DNAAF9: variants seen among roughly 807,000 people sequenced by gnomAD.
DNAAF9 encodes dynein axonemal assembly factor 9, also known as shulin.
A neutral mutation model predicts 167.0 loss-of-function variants in DNAAF9; 90 were observed. The ratio of observed to expected loss-of-function variants is 0.54; its 90% CI spans 0.45 to 0.64. The LOEUF is 0.64. Ranked by LOEUF, DNAAF9 falls within the 30% of genes least tolerant of loss-of-function variation. The pLI is 0.00. For missense variants in DNAAF9, 1,315 were observed against 1,442.2 expected (o/e 0.91, Z 1.43); for synonymous variants, 491 against 508.8 (o/e 0.96, Z 0.47).
chr20:3,268,548 C>T (rs1034904301), intron 30 of DNAAF9, among the ~76,000 whole-genome samples: 3 of 151,956 alleles, frequency 2.0e-5, no homozygotes, highest in Non-Finnish European at 4.4e-5. Context: ...GGGCTGGTCT[C>T]GAACTCCTGA....
intron 24 of DNAAF9, 58 bp downstream of exon 24, chr20:3,294,470 G>T: frequency 2.5e-6 from 3 of 1,219,762 alleles, no homozygotes; most frequent in Admixed American, 1.7e-5. Flanking sequence ...CAACACTGAG[G>T]TTTCCGACAT....
At chr20:3,314,921 T>C (rs906484645) in intron 20 of DNAAF9, 112 bp downstream of exon 20, 3 of 688,808 alleles carry the variant, frequency 4.4e-6, no homozygotes, top group Non-Finnish European at 5.2e-6. Flanking sequence ...AACATTTCTG[T>C]ACCACAATTG....
chr20:3,270,358 CTG>C, intron 30 of DNAAF9, 67 bp downstream of exon 30: 2 of 1,439,208 alleles, frequency 1.4e-6, no homozygotes, highest in South Asian at 1.1e-5. Flanking sequence ...TAGAAAGACT[CTG>C]TGGGCCACAG....
chr20:3,344,639 A>C (rs77926381), intron 8 of DNAAF9, among the ~76,000 whole-genome samples: 126 of 129,944 alleles, frequency 9.7e-4, no homozygotes, highest in East Asian at 3.6e-3. Flanking sequence ...ACACACACAC[A>C]CCTCATGTAG....
chr20:3,381,568 C>G (rs1164033918), intron 2 of DNAAF9, 70 bp from the exon 3 acceptor site: 1 of 1,516,594 alleles, frequency 6.6e-7, no homozygotes, highest in Non-Finnish European at 8.9e-7. Flanking sequence ...TAATTTGCCC[C>G]TGCTTAGCAA....
Position 3,253,734 on chromosome 20 carries a change from A to G in DNAAF9, c.3413T>C (p.Phe1138Ser). ...FVNFFGDKTD[F>S]HPLMDQFMND... ...CGCTGTTCCAAGGATACGTGGGTGA[A>G]AATCAGTTTTGTCACCAAAGAAGTT... The change falls in exon 36 of 37, where the codon TTT becomes TCT. Residue 1138 changes from phenylalanine (F) to serine (S), a missense_variant. Around this residue, in one of 2 missense-constraint regions of DNAAF9, gnomAD observed 334 missense variants for 429.7 expected, o/e 0.78. Coordinates refer to ENST00000252032, the MANE Select transcript of DNAAF9 (RefSeq NM_001009984.3). 1 of 1,602,148 alleles carries G rather than the reference A, an allele frequency of 6.2e-7. No homozygotes were observed. Among genetic ancestry groups the G allele is most frequent in the Non-Finnish European group, 8.6e-7 (1 of 1,169,132 alleles).
intron 6 of DNAAF9, among the ~76,000 whole-genome samples, chr20:3,362,488 A>AT (rs58494602): frequency 0.052 from 7,829 of 149,874 alleles, 545 homozygotes; most frequent in East Asian, 0.16. Context: ...CACCTGTATA[A>AT]TTTTTTTTTT....
chr20:3,293,445 G>A (rs1758799002), intron 25 of DNAAF9, among the ~76,000 whole-genome samples: 1 of 151,696 alleles, frequency 6.6e-6, no homozygotes, highest in South Asian at 2.1e-4. Flanking sequence ...AGCACTTTGG[G>A]AGGCCGGGGT....
chr20:3,368,525 T>C (rs952370262), intron 6 of DNAAF9, among the ~76,000 whole-genome samples: 4 of 151,100 alleles, frequency 2.6e-5, no homozygotes, highest in African/African-American at 9.7e-5. Flanking sequence ...CTTTTTTTTT[T>C]TTTTTGAGAC....
rs2070130856 is a variant in DNAAF9, at chr20:3,343,660, CAAGA to C, written c.845+12_845+15del. Reference sequence around the variant, plus strand: ...TCTATCACCATTCGCCCTTCTTCCCCAAGAAAGAAACTTACCTGTTTTCAGTTAT... The same window carrying C: ...TCTATCACCATTCGCCCTTCTTCCCCAAGAAACTTACCTGTTTTCAGTTAT... On this transcript the variant is annotated intron_variant, in intron 9 of 36. Transcript: ENST00000252032. 1 of 1,604,462 alleles carries C rather than the reference CAAGA, an allele frequency of 6.2e-7. No individual in the cohort carries two copies. The highest frequency in any genetic ancestry group is 8.5e-7 in the Non-Finnish European group (1 of 1,172,788).
In DNAAF9 at chr20:3,381,436, A is replaced by G; in HGVS notation, c.226T>C (p.Tyr76His). The change falls in exon 3 of 37, where the codon TAC becomes CAC. Residue 76 changes from tyrosine to histidine, a missense_variant. Tyr to His is a moderately conservative substitution (Grantham distance 83, BLOSUM62 2). Coordinates refer to ENST00000252032, the MANE Select transcript of DNAAF9 (RefSeq NM_001009984.3). ...ELANYLLFGL[Y>H]NQNTSDFEKT... ...TCAAAATCACTGGTATTCTGATTGT[A>G]CAAACCAAATAGAAGATAATTTGCC... is the stretch of plus-strand genomic sequence containing the variant. The G allele has an allele frequency of 6.2e-7, 1 of 1,613,034 alleles. No individual in the cohort carries two copies. The highest frequency in any genetic ancestry group is 8.5e-7 in the Non-Finnish European group (1 of 1,179,062).
At chr20:3,265,845 T>C (rs1298671211) in intron 30 of DNAAF9, among the ~76,000 whole-genome samples, 2 of 151,592 alleles carry the variant, frequency 1.3e-5, no homozygotes, top group East Asian at 3.9e-4. Flanking sequence ...GCCCTGCTAA[T>C]TTTTGTATTT....
intron 10 of DNAAF9, among the ~76,000 whole-genome samples, chr20:3,335,837 T>C (rs2069929862): frequency 6.6e-6 from 1 of 151,924 alleles, no homozygotes; most frequent in African/African-American, 2.4e-5. Context: ...AGATTTTTTG[T>C]TTGGGCTGAG....
intron 30 of DNAAF9, among the ~76,000 whole-genome samples, chr20:3,266,710 C>T (rs372959193): frequency 2.0e-5 from 3 of 152,192 alleles, no homozygotes; most frequent in Admixed American, 6.5e-5. Context: ...ATCTCCTGAC[C>T]TTGTGATCTG....
rs780853214 is a variant in DNAAF9, at chr20:3,253,809, T to C, written c.3338A>G (p.His1113Arg). Residue 1113 changes from histidine to arginine, a missense_variant, in exon 36 of 37, where the codon CAC (histidine) becomes CGC (arginine). Transcript: ENST00000252032. ...QEIRSIHVKRHLEPLPAGYFY... is the reference protein window; with the variant it reads ...QEIRSIHVKRRLEPLPAGYFY... The stretch of plus-strand genomic sequence containing the variant: ...GTAGCCTGCAGGTAGGGGTTCCAAG[T>C]GGCGTTTTACCTGTAGGAGAAAAGA... 3.1e-6 allele frequency: 5 copies of C among 1,602,306 alleles called. No homozygotes were observed. The highest frequency in any genetic ancestry group is 3.3e-5 in the Admixed American group (2 of 59,986).
At chr20:3,306,508 T>C (rs1222883257) in intron 20 of DNAAF9, among the ~76,000 whole-genome samples, 1 of 152,212 alleles carries the variant, frequency 6.6e-6, no homozygotes, top group African/African-American at 2.4e-5. Context: ...ACAGGTGGTA[T>C]TATTTTTTCT....
At chr20:3,395,195 TCTC>T (rs2083888571) in intron 1 of DNAAF9, among the ~76,000 whole-genome samples, 1 of 142,722 alleles carries the variant, frequency 7.0e-6, no homozygotes, top group African/African-American at 2.8e-5. Context: ...ATGGTCTCGA[TCTC>T]CTGACCTCGT....
In DNAAF9 at chr20:3,379,185, C is replaced by T. The variant is rs6051813; in HGVS notation, c.283+2194G>A. Among the ~76,000 whole-genome samples the T allele has an allele frequency of 3.0e-4, 45 of 151,952 alleles. 2 individuals are homozygous for T. The highest frequency in any genetic ancestry group is 1.0e-3 in the African/African-American group (43 of 41,530). On this transcript the variant is annotated intron_variant, in intron 3 of 36. Coordinates refer to ENST00000252032, the MANE Select transcript of DNAAF9 (RefSeq NM_001009984.3). ...CGTAAGAGACATAACATAGTAGTTA[C>T]TAAACCTAAAGTAAGCATTCCCCAA...
chr20:3,312,489 G>A (rs945359073), intron 20 of DNAAF9, among the ~76,000 whole-genome samples: 3 of 152,090 alleles, frequency 2.0e-5, no homozygotes, highest in South Asian at 2.1e-4. Context: ...CACCTTCTAT[G>A]GGACTCAGGA....
Sources: allele counts gnomAD v4.1 joint callset (sites outside exome capture counted in the v4.1 genomes callset), GRCh38; gene constraint gnomAD v4.1.1; regional missense constraint gnomAD v4.1.1; transcripts MANE v1.5; gene names NCBI Gene and HGNC (gene_info 2026-07-23, HGNC 2026-07-21).